RIOK2: variants seen among roughly 807,000 people sequenced by gnomAD.
The protein encoded by RIOK2 is RIO kinase 2.
A neutral mutation model predicts 62.4 loss-of-function variants in RIOK2; 46 were observed. That is an observed-to-expected ratio of 0.74 (90% CI 0.58 to 0.94). The LOEUF (loss-of-function observed/expected upper bound fraction) is 0.94. Among genes scored for constraint, RIOK2 ranks in the 40% least tolerant of loss-of-function variants. The pLI is 0.00. For missense variants in RIOK2, 574 were observed against 658.0 expected (o/e 0.87, Z 1.40); for synonymous variants, 197 against 216.0 (o/e 0.91, Z 0.77).
rs543320012 is a variant in RIOK2, at chr5:97,170,811, G to GA, written c.779+394dup. Among the ~76,000 whole-genome samples, 19 of 152,104 alleles carry GA rather than the reference G, an allele frequency of 1.2e-4. 1 individual carries two copies. The East Asian group carries it at 3.5e-3, about 28-fold the overall frequency. On this transcript the variant is annotated intron_variant, in intron 6 of 9. Coordinates refer to ENST00000283109, the MANE Select transcript of RIOK2 (RefSeq NM_018343.3). ...TAGTATCACAAAATTGAAAAATTAT[G>GA]AAAAAATGATTATATTCTAAACAAA... is the stretch of plus-strand genomic sequence containing the variant.
Position 97,163,160 on chromosome 5 carries a change from T to C in RIOK2, c.1560A>G (p.Arg520=), listed in dbSNP as rs1420494219. 6.2e-7 allele frequency: 1 copy of C among 1,613,788 alleles called. No individual in the cohort carries two copies. Among genetic ancestry groups the C allele is most frequent in the East Asian group, 2.2e-5 (1 of 44,812 alleles). ...TKQQKSAVRR[R]LQKGEANIFT... ...ATATATTTGCTTCTCCTTTCTGCAA[T>C]CGACGTCTGACAGCTGATTTTTGCT... The change falls in exon 10 of 10, where the codon CGA becomes CGG. Residue 520 remains arginine, a synonymous_variant. Transcript: ENST00000283109.
chr5:97,174,996 T>C (rs1251459280), intron 4 of RIOK2, among the ~76,000 whole-genome samples: 1 of 152,062 alleles, frequency 6.6e-6, no homozygotes, highest in Non-Finnish European at 1.5e-5. Flanking sequence ...AGGTAGGGGC[T>C]GCAGTGAGCC....
rs1749210522 is a variant in RIOK2 at position 97,177,798 on chromosome 5, T to C, written c.256A>G (p.Lys86Glu). The C allele has an allele frequency of 1.2e-6, 2 of 1,613,712 alleles. No homozygotes were observed. The highest frequency in any genetic ancestry group is 1.1e-5 in the South Asian group (1 of 91,032). The change falls in exon 3 of 10, where the codon AAA (lysine) becomes GAA (glutamate). Residue 86 changes from lysine (K) to glutamate (E), a missense_variant. Lys to Glu is a moderately conservative substitution (Grantham distance 56, BLOSUM62 1). Transcript: ENST00000283109. ...TNAGYDYLAL[K>E]TLSSRQVVES... ...ACTACTTGCCTAGAAGAAAGTGTTTTCAAAGCTAGGTAATCATATCCTGCA... is the reference window on the plus strand; with the variant it reads ...ACTACTTGCCTAGAAGAAAGTGTTTCCAAAGCTAGGTAATCATATCCTGCA...
chr5:97,180,656 A>G (rs1749381644), intron 1 of RIOK2, among the ~76,000 whole-genome samples: 1 of 152,206 alleles, frequency 6.6e-6, no homozygotes, highest in South Asian at 2.1e-4. Context: ...GAATATGCAA[A>G]TTGGCTTAGA....
chr5:97,166,343 G>T (rs1369898922), intron 8 of RIOK2: 1 of 455,258 alleles, frequency 2.2e-6, no homozygotes, highest in Non-Finnish European at 4.4e-6. Context: ...TTATTTAAAT[G>T]GCAGTAGCCC....
chr5:97,182,850 G>A (rs531565081), intron 1 of RIOK2: 5 of 380,202 alleles, frequency 1.3e-5, no homozygotes, highest in South Asian at 1.2e-4. Context: ...CCAGGCCACA[G>A]AGATGCAAGC....
intron 6 of RIOK2, among the ~76,000 whole-genome samples, chr5:97,169,442 G>A (rs1410793493): frequency 1.3e-5 from 2 of 152,148 alleles, no homozygotes; most frequent in East Asian, 3.9e-4. Flanking sequence ...ACCAAAAGTA[G>A]AACAATATCT....
At chr5:97,180,854 G>A (rs917904205) in intron 1 of RIOK2, among the ~76,000 whole-genome samples, 8 of 152,064 alleles carry the variant, frequency 5.3e-5, no homozygotes, top group African/African-American at 1.7e-4. Context: ...ACAATTGGAA[G>A]TGATGAGGAA....
rs1749190762 is a variant in RIOK2 at position 97,177,178 on chromosome 5, G to A, written c.436C>T (p.His146Tyr). The A allele has an allele frequency of 6.2e-7, 1 of 1,612,994 alleles. No individual in the cohort carries two copies. The highest frequency in any genetic ancestry group is 8.5e-7 in the Non-Finnish European group (1 of 1,179,198). The change falls in exon 4 of 10, where the codon CAC (histidine) becomes TAC (tyrosine). Residue 146 changes from histidine to tyrosine, a missense_variant. By Grantham distance (83) the His-to-Tyr change is moderately conservative. Coordinates refer to ENST00000283109, the MANE Select transcript of RIOK2 (RefSeq NM_018343.3). Reference protein sequence around the residue: ...KNKRDYHKHRHNVSWLYLSRL... With the variant: ...KNKRDYHKHRYNVSWLYLSRL... Reference sequence around the variant, plus strand: ...GATAAATATAGCCATGACACATTGTGCCTATGTTTATGATAATCGCGTTTG... The same window carrying A: ...GATAAATATAGCCATGACACATTGTACCTATGTTTATGATAATCGCGTTTG...
At chr5:97,168,888 A>G in intron 6 of RIOK2, 36 bp from the exon 7 acceptor site, 1 of 1,295,814 alleles carries the variant, frequency 7.7e-7, no homozygotes. Flanking sequence ...TATAGTCTTT[A>G]TTGCTCCTCT....
chr5:97,179,988 AT>A (rs1749302048), intron 1 of RIOK2, among the ~76,000 whole-genome samples: 1 of 48,390 alleles, frequency 2.1e-5, no homozygotes, highest in African/African-American at 9.3e-5. Context: ...ATATATATAT[AT>A]AAAATATATA....
Position 97,167,593 on chromosome 5 carries a change from T to A in RIOK2, c.1271A>T (p.Glu424Val). 1 of 1,614,214 alleles carries A rather than the reference T, an allele frequency of 6.2e-7. No homozygotes were observed. The highest frequency in any genetic ancestry group is 8.5e-7 in the Non-Finnish European group (1 of 1,180,016). Residue 424 changes from glutamate to valine, a missense_variant, in exon 8 of 10, where the codon GAA (glutamate) becomes GTA (valine). Glu to Val is a moderately radical substitution (Grantham distance 121). Transcript: ENST00000283109. Reference sequence around the variant, plus strand: ...CTGACCATCTTGCCTGTTGTAATTTTCAGTTCTGTTTTTCTCCTCAGAAAA... The same window carrying A: ...CTGACCATCTTGCCTGTTGTAATTTACAGTTCTGTTTTTCTCCTCAGAAAA... Reference protein sequence around the residue: ...TEFSEEKNRTENYNRQDGQRV... With the variant: ...TEFSEEKNRTVNYNRQDGQRV...
At chr5:97,180,015 T>TAATATATATATAA (rs1749318441) in intron 1 of RIOK2, among the ~76,000 whole-genome samples, 1 of 60,786 alleles carries the variant, frequency 1.6e-5, no homozygotes, top group African/African-American at 6.5e-5. Flanking sequence ...TATATATATA[T>TAATATATATATAA]AATATATATA....
At chr5:97,179,308 T>G (rs1749269925) in intron 1 of RIOK2, 115 bp from the exon 2 acceptor site, 1 of 850,292 alleles carries the variant, frequency 1.2e-6, no homozygotes, top group Non-Finnish European at 1.8e-6. Context: ...CTCCAACTAA[T>G]TCTGAGACAT....
chr5:97,178,640 T>TGCA (rs1160409420), intron 2 of RIOK2, among the ~76,000 whole-genome samples: 11 of 106,218 alleles, frequency 1.0e-4, no homozygotes, highest in Non-Finnish European at 1.9e-4. Context: ...CGTGCTCTTC[T>TGCA]GTACTCTACA....
At chr5:97,183,043 T>C (rs912173054) in intron 1 of RIOK2, 83 bp downstream of exon 1, 1 of 1,443,762 alleles carries the variant, frequency 6.9e-7, no homozygotes. Flanking sequence ...GTGTGCCTGC[T>C]CAGATCCCAG....
chr5:97,167,318 A>G, intron 8 of RIOK2, 149 bp downstream of exon 8: 2 of 1,451,478 alleles, frequency 1.4e-6, no homozygotes, highest in Non-Finnish European at 1.8e-6. Flanking sequence ...AGTTTTTAAC[A>G]ACAAAAAATT....
chr5:97,179,092 TAA>T lies in RIOK2; in HGVS notation c.166_167del (p.Leu56SerfsTer4). On this transcript the variant is annotated frameshift_variant, in exon 2 of 10. Transcript: ENST00000283109. LOFTEE classifies it high-confidence loss of function. ...CCCAAGCTATGAGTTTATGTTTCAC[TAA>T]TTCTCTTAAAACTTTATTACAGCCA... is the stretch of plus-strand genomic sequence containing the variant. Reference protein sequence around the residue: ...HGGCNKVLRELVKHKLIAWER... With the variant: ...HGGCNKVLREXVKHKLIAWER... 6.2e-7 allele frequency: 1 copy of T among 1,614,028 alleles called. No homozygotes were observed. Among genetic ancestry groups the T allele is most frequent in the Non-Finnish European group, 8.5e-7 (1 of 1,179,944 alleles).
rs1284414327 is a variant in RIOK2, at chr5:97,160,877, GAA to G, written c.*2182_*2183del. Reference sequence around the variant, plus strand: ...CAAATATAAACCGCATAGTTTGTAGGAAAAGTTTATTTAATGGGGAGACTAAG... The same window carrying G: ...CAAATATAAACCGCATAGTTTGTAGGAAGTTTATTTAATGGGGAGACTAAG... On this transcript the variant is annotated 3_prime_UTR_variant, in exon 10 of 10. Coordinates refer to ENST00000283109, the MANE Select transcript of RIOK2 (RefSeq NM_018343.3). 2 of 152,174 alleles carry G rather than the reference GAA, an allele frequency of 1.3e-5. No individual in the cohort carries two copies. The highest frequency in any genetic ancestry group is 4.8e-5 in the African/African-American group (2 of 41,454). The allele number at this position is 152,174 out of a possible 1,614,324, so 9.4% of individuals were successfully genotyped here.
Sources: gnomAD v4.1 joint callset for allele counts (sites outside exome capture counted in the v4.1 genomes callset) on GRCh38, gnomAD v4.1.1 for gene constraint, MANE v1.5 for transcripts, NCBI Gene and HGNC (gene_info 2026-07-23, HGNC 2026-07-21) for gene names.